The following FSIP1 variants were observed in gnomAD, a reference collection of about 807,000 sequenced individuals.
The protein encoded by FSIP1 is fibrous sheath interacting protein 1, also known as fibrous sheath-interacting protein 1.
Under a neutral mutation model 60.9 loss-of-function variants are expected in FSIP1, and 65 were observed. The ratio of observed to expected loss-of-function variants is 1.07; its 90% confidence interval spans 0.87 to 1.31. The LOEUF (loss-of-function observed/expected upper bound fraction) is 1.31, where lower values mean the gene tolerates loss of function less well. Among genes scored for constraint, FSIP1 ranks in the 40% most tolerant of loss-of-function variants. The pLI is 0.00. For missense variants in FSIP1, 675 were observed against 665.5 expected, an observed-to-expected ratio of 1.01 and a Z score of -0.16; for synonymous variants, 209 against 221.2, an observed-to-expected ratio of 0.94 and a Z score of 0.49.
chr15:39,732,307 A>G (rs1896435800), intron 8 of FSIP1, among the ~76,000 whole-genome samples: 1 of 152,150 alleles, frequency 6.6e-6, no homozygotes, highest in African/African-American at 2.4e-5. Flanking sequence ...GAGATTCAAG[A>G]GAAGATTACA....
chr15:39,664,192 A>T (rs1893407589), intron 10 of FSIP1, among the ~76,000 whole-genome samples: 2 of 152,210 alleles, frequency 1.3e-5, no homozygotes, highest in Non-Finnish European at 2.9e-5. Context: ...CACCTAAGGT[A>T]ATTTATTCTA....
chr15:39,701,677 A>G (rs1018357673), intron 10 of FSIP1, among the ~76,000 whole-genome samples: 2 of 152,236 alleles, frequency 1.3e-5, no homozygotes, highest in Non-Finnish European at 2.9e-5. Context: ...ATATTCTCAA[A>G]GCTCATTTTA....
At chr15:39,709,973 C>G (rs926648379) in intron 10 of FSIP1, among the ~76,000 whole-genome samples, 1 of 152,156 alleles carries the variant, frequency 6.6e-6, no homozygotes, top group Non-Finnish European at 1.5e-5. Flanking sequence ...GTAATTTATT[C>G]AAGGTCACAG....
At chr15:39,624,424 G>C (rs1424269536) in intron 10 of FSIP1, among the ~76,000 whole-genome samples, 1 of 152,124 alleles carries the variant, frequency 6.6e-6, no homozygotes, top group African/African-American at 2.4e-5. Context: ...CCTGTGCATA[G>C]AAAAATAAAG....
intron 10 of FSIP1, among the ~76,000 whole-genome samples, chr15:39,689,589 C>T (rs1319224739): frequency 6.6e-6 from 1 of 152,124 alleles, no homozygotes; most frequent in Non-Finnish European, 1.5e-5. Flanking sequence ...AAGACCAAGA[C>T]CAACTATTAT....
chr15:39,735,429 AG>A (rs1896570520), intron 8 of FSIP1, among the ~76,000 whole-genome samples: 1 of 152,238 alleles, frequency 6.6e-6, no homozygotes, highest in South Asian at 2.1e-4. Flanking sequence ...AACATAGAAA[AG>A]GTACAATAAA....
At chr15:39,661,391 A>G (rs1321597081) in intron 10 of FSIP1, among the ~76,000 whole-genome samples, 1 of 152,260 alleles carries the variant, frequency 6.6e-6, no homozygotes, top group Non-Finnish European at 1.5e-5. Context: ...AGCCTAGCTT[A>G]GCTAATGTAA....
intron 11 of FSIP1, among the ~76,000 whole-genome samples, chr15:39,615,430 A>AAC (rs1555386844): frequency 0.024 from 3,579 of 147,790 alleles, 139 homozygotes; most frequent in African/African-American, 0.085. Flanking sequence ...AAAAAAAAAA[A>AAC]ATTAAAAAAT....
chr15:39,642,235 C>A (rs894755555), intron 10 of FSIP1, among the ~76,000 whole-genome samples: 1 of 152,110 alleles, frequency 6.6e-6, no homozygotes, highest in African/African-American at 2.4e-5. Context: ...ATGAATAAAG[C>A]CCTAAGCATG....
intron 10 of FSIP1, among the ~76,000 whole-genome samples, chr15:39,688,345 C>A (rs940419052): frequency 2.6e-5 from 4 of 152,168 alleles, no homozygotes; most frequent in African/African-American, 4.8e-5. Context: ...GTCCAGCCTA[C>A]CTTAAACATG....
intron 10 of FSIP1, among the ~76,000 whole-genome samples, chr15:39,642,983 T>G (rs939663950): frequency 2.0e-5 from 3 of 152,224 alleles, no homozygotes; most frequent in Admixed American, 1.3e-4. Context: ...AATTGTTCAG[T>G]CCTCGAAGCA....
At chr15:39,708,681 T>C (rs1390581437) in intron 10 of FSIP1, among the ~76,000 whole-genome samples, 4 of 152,176 alleles carry the variant, frequency 2.6e-5, no homozygotes, top group African/African-American at 9.7e-5. Context: ...TCATATGACC[T>C]GGTTTTACAT....
At chr15:39,722,046 G>A (rs1415339611) in intron 9 of FSIP1, among the ~76,000 whole-genome samples, 2 of 152,100 alleles carry the variant, frequency 1.3e-5, no homozygotes, top group African/African-American at 2.4e-5. Flanking sequence ...GTGAGCGGCA[G>A]GCCCAAGTTC....
At chr15:39,641,814 C>T (rs765260383) in intron 10 of FSIP1, among the ~76,000 whole-genome samples, 2 of 152,218 alleles carry the variant, frequency 1.3e-5, no homozygotes, top group Middle Eastern at 3.4e-3. Flanking sequence ...TTTGCAGCAA[C>T]CAGCAAACGT....
At chr15:39,608,369 A>T (rs1441194919) in intron 11 of FSIP1, among the ~76,000 whole-genome samples, 1 of 152,196 alleles carries the variant, frequency 6.6e-6, no homozygotes, top group Non-Finnish European at 1.5e-5. Flanking sequence ...GATATGCATC[A>T]GTGTGACTCA....
At chr15:39,775,608 C>T (rs1178154533) in intron 2 of FSIP1, among the ~76,000 whole-genome samples, 2 of 152,118 alleles carry the variant, frequency 1.3e-5, no homozygotes, top group African/African-American at 4.8e-5. Context: ...TTCCCAGTGT[C>T]GGAGGAGGGG....
chr15:39,620,757 AATAT>A (rs35811726), intron 10 of FSIP1, among the ~76,000 whole-genome samples: 4 of 144,590 alleles, frequency 2.8e-5, no homozygotes, highest in Admixed American at 6.9e-5. Flanking sequence ...ACACCTGGCT[AATAT>A]ATATATATAT....
chr15:39,702,555 G>A (rs1449763273), intron 10 of FSIP1, among the ~76,000 whole-genome samples: 1 of 148,562 alleles, frequency 6.7e-6, no homozygotes, highest in African/African-American at 2.5e-5. Context: ...CACAGGGGCT[G>A]TAAACAGTCC....
chr15:39,679,803 G>A (rs921430351), intron 10 of FSIP1, among the ~76,000 whole-genome samples: 5 of 152,092 alleles, frequency 3.3e-5, no homozygotes, highest in Non-Finnish European at 7.4e-5. Flanking sequence ...CGTCATCACA[G>A]GCATCTCCCT....
Sources: allele counts gnomAD v4.1 joint callset (sites outside exome capture counted in the v4.1 genomes callset), GRCh38; gene constraint gnomAD v4.1.1; transcripts MANE v1.5; gene names NCBI Gene and HGNC (gene_info 2026-07-23, HGNC 2026-07-21).